The following SMG1 variants were observed in gnomAD, a reference collection of about 807,000 sequenced individuals.
SMG1 encodes the protein SMG1 nonsense mediated mRNA decay associated PI3K related kinase, also known as serine/threonine-protein kinase SMG1.
SMG1 carries 22 observed loss-of-function variants against 419.9 expected under a neutral mutation model. The observed-to-expected ratio is 0.05, with a 90% CI of 0.04 to 0.07. The LOEUF (loss-of-function observed/expected upper bound fraction) is 0.07. SMG1 is among the 10% of genes least tolerant of loss of function. The pLI, the probability that SMG1 is intolerant of heterozygous loss-of-function variation, is 1.00. For missense variants in SMG1, 3,185 were observed against 4,342.0 expected (o/e 0.73, Z 7.49); for synonymous variants, 1,538 against 1,553.5 (o/e 0.99, Z 0.23).
intron 55 of SMG1, among the ~76,000 whole-genome samples, chr16:18,821,246 T>C (rs1596469665): frequency 4.1e-5 from 3 of 72,826 alleles, no homozygotes; most frequent in East Asian, 2.4e-4. Context: ...TTTTTCTTTT[T>C]TTTTTCTTTT....
Position 18,826,922 on chromosome 16 carries a change from G to A in SMG1, c.9741+1109C>T, listed in dbSNP as rs1285523207. 6.4e-3 allele frequency among the ~76,000 whole-genome samples: 375 copies of A among 58,968 alleles called. 56 individuals carry two copies. The highest frequency in any genetic ancestry group is 0.02 in the African/African-American group (359 of 17,574). The allele number at this position is 58,968 out of a possible 152,430, so 38.7% of individuals were successfully genotyped here. On this transcript the variant is annotated intron_variant, in intron 55 of 62. Transcript: ENST00000446231. ...TAGCAATCAGCGAGATTCCGTGGGC[G>A]TAGGACCCTCTGAGCCAGGTGTGGG... is the stretch of plus-strand genomic sequence containing the variant.
At chr16:18,922,351 CCT>C (rs527310055) in intron 1 of SMG1, among the ~76,000 whole-genome samples, 53 of 152,286 alleles carry the variant, frequency 3.5e-4, no homozygotes, top group Admixed American at 4.6e-4. Flanking sequence ...AGCCACCACC[CCT>C]GTTTCTTCAT....
At chr16:18,886,247 T>C (rs2036607092) in intron 6 of SMG1, among the ~76,000 whole-genome samples, 1 of 152,130 alleles carries the variant, frequency 6.6e-6, no homozygotes, top group South Asian at 2.1e-4. Context: ...ATATAATCTA[T>C]GCTTTAGTAT....
chr16:18,883,647 G>A (rs1050165287), intron 9 of SMG1, among the ~76,000 whole-genome samples: 6 of 152,252 alleles, frequency 3.9e-5, no homozygotes, highest in African/African-American at 9.6e-5. Context: ...GACTGGGCAC[G>A]GGGGCTCACG....
In SMG1 at chr16:18,913,492, TA is replaced by T. The variant is rs201026213; in HGVS notation, c.92+12457del. On this transcript the variant is annotated intron_variant, in intron 1 of 62. Transcript: ENST00000446231. ...AAACTTTAAATTCAAAGAGCTTCAG[TA>T]AAAAAAAAAAGAAAATGTTAGCAAT... Among the ~76,000 whole-genome samples, 81 of 143,152 alleles carry T rather than the reference TA, an allele frequency of 5.7e-4. 1 individual carries two copies. Among genetic ancestry groups the T allele is most frequent in the Middle Eastern group, 3.5e-3 (1 of 282 alleles). The allele number at this position is 143,152 out of a possible 152,430, so 93.9% of individuals were successfully genotyped here.
At chr16:18,831,963 G>C (rs2141225134) in intron 51 of SMG1, among the ~76,000 whole-genome samples, 1 of 151,856 alleles carries the variant, frequency 6.6e-6, no homozygotes, top group South Asian at 2.1e-4. Context: ...AGAAAAATAA[G>C]ATTACATATA....
chr16:18,873,410 T>A (rs2925517), intron 13 of SMG1, among the ~76,000 whole-genome samples: 1 of 151,954 alleles, frequency 6.6e-6, no homozygotes, highest in Non-Finnish European at 1.5e-5. Context: ...TTAGTAGAGA[T>A]AGAGTTTCAC....
intron 37 of SMG1, 28 bp downstream of exon 37, chr16:18,847,788 C>A (rs759307858): frequency 3.7e-6 from 6 of 1,603,928 alleles, no homozygotes; most frequent in Admixed American, 3.4e-5. Flanking sequence ...ATAAAAAATT[C>A]TTCTACAACA....
At chr16:18,897,100 GCTGT>G (rs2037163139) in intron 1 of SMG1, 144 bp from the exon 2 acceptor site, 1 of 579,320 alleles carries the variant, frequency 1.7e-6, no homozygotes, top group Non-Finnish European at 3.0e-6. Flanking sequence ...TAAGCACTCA[GCTGT>G]CTAATAAGAA....
In SMG1 at chr16:18,816,475, T is replaced by G. The variant is rs780789543; in HGVS notation, c.10129A>C (p.Lys3377Gln). 1 of 1,613,850 alleles carries G rather than the reference T, an allele frequency of 6.2e-7. No individual in the cohort carries two copies. The highest frequency in any genetic ancestry group is 8.5e-7 in the Non-Finnish European group (1 of 1,179,872). ...GSSEWLLSAH[K>Q]QLTQDMSTQR... ...GTAGACATATCCTGGGTCAACTGTT[T>G]GTGTGCTGACAAAAGCCATTCAGAG... Residue 3377 changes from lysine to glutamine, a missense_variant, in exon 58 of 63, where the codon AAA (lysine) becomes CAA (glutamine). By Grantham distance (53) the Lys-to-Gln change is moderately conservative. Around this residue, in one of 27 missense-constraint regions of SMG1, gnomAD observed 737 missense variants for 846.6 expected, o/e 0.87. Coordinates refer to ENST00000446231, the MANE Select transcript of SMG1 (RefSeq NM_015092.5).
chr16:18,836,629 T>C, intron 46 of SMG1, 97 bp from the exon 47 acceptor site: 4 of 1,301,134 alleles, frequency 3.1e-6, no homozygotes, highest in Non-Finnish European at 4.3e-6. Context: ...GACTGTCTGG[T>C]ACGCTCCTTG....
Position 18,877,173 on chromosome 16 carries a change from T to C in SMG1, c.1578A>G (p.Pro526=). 6.4e-7 allele frequency: 1 copy of C among 1,557,510 alleles called. No homozygotes were observed. The highest frequency in any genetic ancestry group is 8.7e-7 in the Non-Finnish European group (1 of 1,155,002). ...PSSFVEKLFI[P]SSKLLFLRYH... Reference sequence around the variant, plus strand: ...AACGCAAGAATAGTAGTTTAGATGATGGTATAAACAGTTTTTCTACAAATG... The same window carrying C: ...AACGCAAGAATAGTAGTTTAGATGACGGTATAAACAGTTTTTCTACAAATG... The change falls in exon 12 of 63, where the codon CCA becomes CCG. Residue 526 remains proline (P), a synonymous_variant. Coordinates refer to ENST00000446231, the MANE Select transcript of SMG1 (RefSeq NM_015092.5).
intron 60 of SMG1, among the ~76,000 whole-genome samples, chr16:18,814,072 A>G (rs984932605): frequency 6.7e-6 from 1 of 148,756 alleles, no homozygotes. Flanking sequence ...AAAAAATAAA[A>G]TAAAATAAAA....
chr16:18,916,089 A>AC (rs1567462538), intron 1 of SMG1, among the ~76,000 whole-genome samples: 1 of 110,238 alleles, frequency 9.1e-6, no homozygotes, highest in African/African-American at 3.8e-5. Flanking sequence ...AAAAAAAAAA[A>AC]CCAGAAAAAA....
Position 18,911,053 on chromosome 16 carries a change from G to C in SMG1, c.93-14097C>G, listed in dbSNP as rs558731214. 8.5e-5 allele frequency among the ~76,000 whole-genome samples: 13 copies of C among 152,268 alleles called. No homozygotes were observed. The South Asian group carries it at 1.2e-3, about 15-fold the overall frequency. ...TCCAATCTATGCAAATAGTCACAAA[G>C]ATTAGATTATGTTTGCTGGCTTATC... On this transcript the variant is annotated intron_variant, in intron 1 of 62. Transcript: ENST00000446231.
Position 18,842,407 on chromosome 16 carries a change from G to A in SMG1, c.6267C>T (p.Ile2089=). Residue 2089 remains isoleucine, a synonymous_variant, in exon 40 of 63, where the codon ATC becomes ATT. Coordinates refer to ENST00000446231, the MANE Select transcript of SMG1 (RefSeq NM_015092.5). ...ATGGACTGATTTCTTCAAGACGCAAGATGTAACTTGCACGTTTCTGTGCTC... is the reference window on the plus strand; with the variant it reads ...ATGGACTGATTTCTTCAAGACGCAAAATGTAACTTGCACGTTTCTGTGCTC... ...QQRAQKRASY[I]LRLEEISPWL... The A allele has an allele frequency of 1.2e-6, 2 of 1,613,930 alleles. No homozygotes were observed. Among genetic ancestry groups the A allele is most frequent in the Non-Finnish European group, 1.7e-6 (2 of 1,179,834 alleles).
intron 51 of SMG1, among the ~76,000 whole-genome samples, chr16:18,831,736 C>T (rs2033187422): frequency 8.5e-6 from 1 of 118,140 alleles, no homozygotes; most frequent in African/African-American, 3.4e-5. Flanking sequence ...AGCCTAGCGA[C>T]ACAGCAAGAC....
At chr16:18,884,832 T>C in intron 8 of SMG1, 1 of 449,522 alleles carries the variant, frequency 2.2e-6, no homozygotes, top group South Asian at 3.2e-5. Flanking sequence ...CTACAATATA[T>C]TCTTACCATA....
intron 1 of SMG1, among the ~76,000 whole-genome samples, chr16:18,919,016 G>A (rs569488008): frequency 4.6e-5 from 7 of 152,150 alleles, no homozygotes; most frequent in Non-Finnish European, 1.0e-4. Context: ...GAAGACAGTG[G>A]TTTTACAAGT....
Sources: allele counts gnomAD v4.1 joint callset (sites outside exome capture counted in the v4.1 genomes callset), GRCh38; gene constraint gnomAD v4.1.1; regional missense constraint gnomAD v4.1.1; transcripts MANE v1.5; gene names NCBI Gene and HGNC (gene_info 2026-07-23, HGNC 2026-07-21).